Variants in DHX9 observed in about 807,000 individuals in gnomAD.
DHX9 encodes the protein ATP-dependent RNA helicase A.
In DHX9, 27 loss-of-function variants were observed where a neutral mutation model predicts 148.7. The ratio of observed to expected loss-of-function variants is 0.18; its 90% CI spans 0.13 to 0.25. The LOEUF is 0.25. DHX9 is among the 10% of genes least tolerant of loss of function. The pLI, the probability that DHX9 is intolerant of heterozygous loss-of-function variation, is 1.00. For missense variants in DHX9, 796 were observed against 1,559.6 expected (o/e 0.51, Z 8.25); for synonymous variants, 529 against 516.6 (o/e 1.02, Z -0.33).
intron 12 of DHX9, among the ~76,000 whole-genome samples, chr1:182,865,305 C>G (rs746587425): frequency 6.6e-6 from 1 of 152,152 alleles, no homozygotes; most frequent in Non-Finnish European, 1.5e-5. Flanking sequence ...AACTGAGGTG[C>G]AGAGCACTGT....
intron 24 of DHX9, among the ~76,000 whole-genome samples, chr1:182,882,935 C>T (rs907296580): frequency 2.0e-5 from 3 of 150,610 alleles, no homozygotes; most frequent in African/African-American, 4.9e-5. Context: ...GAGACGTTTT[C>T]GTTTTCTTAT....
intron 3 of DHX9, among the ~76,000 whole-genome samples, chr1:182,844,794 G>A (rs942155324): frequency 6.6e-5 from 10 of 152,302 alleles, no homozygotes; most frequent in African/African-American, 2.4e-4. Context: ...TGGGATTACA[G>A]GTGGGAGCTA....
intron 20 of DHX9, 129 bp from the exon 21 acceptor site, chr1:182,879,121 G>T: frequency 2.9e-6 from 2 of 696,836 alleles, no homozygotes; most frequent in East Asian, 2.9e-5. Flanking sequence ...TAAAAGGTCC[G>T]ATGGTAATTG....
At chr1:182,842,783 A>G (rs1667955506) in intron 2 of DHX9, 106 bp downstream of exon 2, 1 of 773,572 alleles carries the variant, frequency 1.3e-6, no homozygotes, top group African/African-American at 1.8e-5. Context: ...ACATTAGGAA[A>G]CGACAGTTCT....
At chr1:182,857,511 A>G (rs1448442175) in intron 7 of DHX9, among the ~76,000 whole-genome samples, 2 of 152,222 alleles carry the variant, frequency 1.3e-5, no homozygotes, top group Admixed American at 6.6e-5. Context: ...TAGACTTTAC[A>G]GGTCACACAT....
chr1:182,884,931 TAGAG>T, intron 27 of DHX9, 118 bp downstream of exon 27: 11 of 813,284 alleles, frequency 1.4e-5, no homozygotes, highest in Non-Finnish European at 2.2e-5. Flanking sequence ...TAGATATAGA[TAGAG>T]CTATATAGAT....
At chr1:182,874,390 C>G (rs553470954) in intron 15 of DHX9, among the ~76,000 whole-genome samples, 13 of 152,280 alleles carry the variant, frequency 8.5e-5, no homozygotes, top group African/African-American at 2.6e-4. Flanking sequence ...TAAAGACATT[C>G]TGGGGCCATC....
chr1:182,876,590 A>G (rs1571318736), intron 18 of DHX9, 49 bp downstream of exon 18: 2 of 1,515,456 alleles, frequency 1.3e-6, no homozygotes, highest in South Asian at 2.3e-5. Flanking sequence ...CGTAGATACT[A>G]AACAAATGTT....
At chr1:182,871,932 G>C (rs1009867467) in intron 14 of DHX9, among the ~76,000 whole-genome samples, 4 of 152,118 alleles carry the variant, frequency 2.6e-5, no homozygotes, top group Non-Finnish European at 4.4e-5. Context: ...TCAGTCTCCT[G>C]AGTACCTGGG....
rs1648301621 is a variant in DHX9 at position 182,866,460 on chromosome 1, C to T, written c.1349C>T (p.Ala450Val). Reference protein sequence around the residue: ...IVVTQPRRISAVSVAERVAFE... With the variant: ...IVVTQPRRISVVSVAERVAFE... ...CTGTCTCAGCCCAGAAGAATCAGTGCGGTTTCTGTGGCAGAGCGAGTTGCA... is the reference window on the plus strand; with the variant it reads ...CTGTCTCAGCCCAGAAGAATCAGTGTGGTTTCTGTGGCAGAGCGAGTTGCA... The change falls in exon 13 of 28, where the codon GCG (alanine) becomes GTG (valine). Residue 450 changes from alanine to valine, a missense_variant. Physicochemically the swap from Ala to Val is moderately conservative, Grantham distance 64. Transcript: ENST00000367549. 5 of 1,613,874 alleles carry T rather than the reference C, an allele frequency of 3.1e-6. No homozygotes were observed. The highest frequency in any genetic ancestry group is 2.2e-5 in the East Asian group (1 of 44,888).
intron 22 of DHX9, 130 bp downstream of exon 22, chr1:182,880,738 A>G: frequency 1.6e-6 from 1 of 626,576 alleles, no homozygotes; most frequent in South Asian, 2.0e-5. Context: ...GAAGTAACAT[A>G]CCTAGATATT....
At chr1:182,881,143 A>T in intron 22 of DHX9, 121 bp from the exon 23 acceptor site, 1 of 1,018,852 alleles carries the variant, frequency 9.8e-7, no homozygotes, top group Non-Finnish European at 1.4e-6. Context: ...AGCCAGTTTC[A>T]TTGCAAATAA....
intron 3 of DHX9, among the ~76,000 whole-genome samples, chr1:182,849,250 AATAAT>A (rs1440753248): frequency 6.6e-6 from 1 of 152,202 alleles, no homozygotes; most frequent in Non-Finnish European, 1.5e-5. Context: ...TGTATAAAAG[AATAAT>A]ATAGTGAAAC....
At chr1:182,843,487 T>A (rs924204167) in intron 3 of DHX9, 53 bp downstream of exon 3, 2 of 1,446,966 alleles carry the variant, frequency 1.4e-6, no homozygotes, top group Non-Finnish European at 1.8e-6. Context: ...TTGTACAAAC[T>A]CAATATGCGT....
chr1:182,881,361 G>T lies in DHX9; in HGVS notation c.2722G>T (p.Ala908Ser). ...GCTGGGCTATATCCATCGAAATTTTGCTGGAAACAGATTTTCTGATCACGT... is the reference window on the plus strand; with the variant it reads ...GCTGGGCTATATCCATCGAAATTTTTCTGGAAACAGATTTTCTGATCACGT... ...KRLGYIHRNF[A>S]GNRFSDHVAL... Residue 908 changes from alanine to serine, a missense_variant, in exon 23 of 28, where the codon GCT (alanine) becomes TCT (serine). Physicochemically the swap from Ala to Ser is moderately conservative, Grantham distance 99. Around this residue, in one of 14 missense-constraint regions of DHX9, gnomAD observed 122 missense variants for 289.3 expected, o/e 0.42. Coordinates refer to ENST00000367549, the MANE Select transcript of DHX9 (RefSeq NM_001357.5). The T allele has an allele frequency of 1.9e-6, 3 of 1,614,166 alleles. No homozygotes were observed. Among genetic ancestry groups the T allele is most frequent in the Middle Eastern group, 1.6e-4 (1 of 6,062 alleles).
At chr1:182,874,201 A>G (rs1648666784) in intron 15 of DHX9, among the ~76,000 whole-genome samples, 1 of 152,196 alleles carries the variant, frequency 6.6e-6, no homozygotes, top group Non-Finnish European at 1.5e-5. Flanking sequence ...TCTGAAGACT[A>G]CAGTGTGGGA....
At position 182,853,415 on chromosome 1, in the gene DHX9, A is replaced by C; in HGVS notation, c.474A>C (p.Gln158His). ...CAAGAAAGGAAGAACAAGAAGTGCA[A>C]GCGGTAAGGCCAGCACCGTAGGTTA... ...YYSRKEEQEVQATLESEEVDL... is the reference protein window; with the variant it reads ...YYSRKEEQEVHATLESEEVDL... The change falls in exon 5 of 28, where the codon CAA (glutamine) becomes CAC (histidine). Residue 158 changes from glutamine (Q) to histidine (H), a missense_variant. Transcript: ENST00000367549. The C allele has an allele frequency of 6.2e-7, 1 of 1,612,628 alleles. No individual in the cohort carries two copies. The highest frequency in any genetic ancestry group is 8.5e-7 in the Non-Finnish European group (1 of 1,178,712).
In DHX9 at chr1:182,887,638, A is replaced by T. The variant is rs1649396879; in HGVS notation, c.*204A>T. On this transcript the variant is annotated 3_prime_UTR_variant, in exon 28 of 28. Coordinates refer to ENST00000367549, the MANE Select transcript of DHX9 (RefSeq NM_001357.5). ...ATTATGTAAAATATAACGATCTCTTAAAAATACCACAGTTTGTATTTTTTC... is the reference window on the plus strand; with the variant it reads ...ATTATGTAAAATATAACGATCTCTTTAAAATACCACAGTTTGTATTTTTTC... The T allele has an allele frequency of 1.9e-6, 1 of 517,626 alleles. No homozygotes were observed. The highest frequency in any genetic ancestry group is 1.9e-5 in the African/African-American group (1 of 53,008). 32.1% of individuals were successfully genotyped at this position (517,626 alleles called of 1,614,324 possible).
At chr1:182,881,090 T>G (rs1040589054) in intron 22 of DHX9, among the ~76,000 whole-genome samples, 174 bp from the exon 23 acceptor site, 2 of 152,230 alleles carry the variant, frequency 1.3e-5, no homozygotes, top group African/African-American at 2.4e-5. Flanking sequence ...GAGCATTTTT[T>G]TCTTTCTGAT....
Sources: gnomAD v4.1 joint callset for allele counts (sites outside exome capture counted in the v4.1 genomes callset) on GRCh38, gnomAD v4.1.1 for gene constraint, gnomAD v4.1.1 regional missense constraint, MANE v1.5 for transcripts, NCBI Gene and HGNC (gene_info 2026-07-23, HGNC 2026-07-21) for gene names.